The following PCDH15 variants were observed in gnomAD, a reference collection of about 807,000 sequenced individuals.
PCDH15 encodes the protein protocadherin-15.
Under a neutral mutation model 178.5 loss-of-function variants are expected in PCDH15, and 129 were observed. The ratio of observed to expected loss-of-function variants is 0.72; its 90% CI spans 0.63 to 0.84. The LOEUF is 0.84. Among genes scored for constraint, PCDH15 ranks in the 40% least tolerant of loss-of-function variants. PCDH15 has a pLI of 0.00. For missense variants in PCDH15, 2,230 were observed against 2,099.9 expected (o/e 1.06, Z -1.21); for synonymous variants, 800 against 732.0 (o/e 1.09, Z -1.50).
At chr10:54,208,253 A>G (rs894418378) in intron 10 of PCDH15, among the ~76,000 whole-genome samples, 13 of 152,052 alleles carry the variant, frequency 8.5e-5, no homozygotes, top group African/African-American at 2.9e-4. Context: ...TGTGTAAGAG[A>G]TATTTACTTT....
chr10:55,148,654 T>G (rs1838600450), intron 2 of PCDH15, among the ~76,000 whole-genome samples: 1 of 151,686 alleles, frequency 6.6e-6, no homozygotes, highest in Non-Finnish European at 1.5e-5. Context: ...ATATAAAGTT[T>G]CACTATGAAA....
At chr10:54,529,852 A>G (rs1230143687) in intron 2 of PCDH15, among the ~76,000 whole-genome samples, 5 of 152,078 alleles carry the variant, frequency 3.3e-5, no homozygotes, top group Admixed American at 2.0e-4. Context: ...GAAATGAATA[A>G]TTAGGCTTTG....
At chr10:54,553,654 C>T (rs1311775932) in intron 2 of PCDH15, among the ~76,000 whole-genome samples, 1 of 152,056 alleles carries the variant, frequency 6.6e-6, no homozygotes, top group Non-Finnish European at 1.5e-5. Flanking sequence ...GACTGGTATC[C>T]CTCACATAAA....
Position 54,982,880 on chromosome 10 carries a change from A to G in PCDH15, c.-79-85380T>C, listed in dbSNP as rs116913732. ...ACTACACATTGGCATTTATTATCAA[A>G]CCCAATCTTCACAAAACCCCTGGAG... On this transcript the variant is annotated intron_variant, in intron 2 of 5. Coordinates refer to the PCDH15 transcript ENST00000458638. Among the ~76,000 whole-genome samples the G allele has an allele frequency of 5.1e-3, 776 of 152,270 alleles. 1 individual carries two copies. The highest frequency in any genetic ancestry group is 9.1e-3 in the Non-Finnish European group (618 of 68,010).
intron 27 of PCDH15, among the ~76,000 whole-genome samples, chr10:53,863,480 G>A (rs773760183): frequency 1.1e-4 from 16 of 152,088 alleles, no homozygotes; most frequent in Admixed American, 2.0e-4. Context: ...TGGTAGCATC[G>A]ACAAGAATAG....
intron 2 of PCDH15, among the ~76,000 whole-genome samples, chr10:55,429,506 A>G (rs993782882): frequency 1.3e-5 from 2 of 152,120 alleles, no homozygotes; most frequent in Admixed American, 1.3e-4. Context: ...GCTGATGCTT[A>G]TAAGATTTTT....
intron 2 of PCDH15, among the ~76,000 whole-genome samples, chr10:55,495,128 A>T (rs982690515): frequency 2.6e-5 from 4 of 151,794 alleles, no homozygotes; most frequent in Non-Finnish European, 5.9e-5. Context: ...CTAAATATGT[A>T]TGAGTTAAAA....
intron 1 of PCDH15, among the ~76,000 whole-genome samples, chr10:54,765,432 C>A (rs1948390446): frequency 2.6e-5 from 4 of 151,940 alleles, no homozygotes; most frequent in Non-Finnish European, 5.9e-5. Flanking sequence ...AAGGAAAATT[C>A]AAAATGATGT....
chr10:54,392,118 C>T (rs1219052666), intron 3 of PCDH15, among the ~76,000 whole-genome samples: 1 of 152,022 alleles, frequency 6.6e-6, no homozygotes, highest in Non-Finnish European at 1.5e-5. Context: ...CAATCTCTCT[C>T]TTTCCACTAT....
At chr10:54,543,106 C>A (rs558819481) in intron 2 of PCDH15, among the ~76,000 whole-genome samples, 2 of 151,526 alleles carry the variant, frequency 1.3e-5, no homozygotes, top group Admixed American at 1.3e-4. Context: ...AGAGCCGTGG[C>A]CCCCCAAAAC....
chr10:54,505,409 C>T (rs536328917), intron 3 of PCDH15, among the ~76,000 whole-genome samples: 5 of 152,230 alleles, frequency 3.3e-5, no homozygotes, highest in African/African-American at 1.2e-4. Context: ...GAAATATTTA[C>T]ATATTATCTG....
intron 34 of PCDH15, among the ~76,000 whole-genome samples, chr10:53,817,406 T>A (rs1010816221): frequency 6.6e-6 from 1 of 152,032 alleles, no homozygotes; most frequent in Non-Finnish European, 1.5e-5. Flanking sequence ...ATTTTTAAAA[T>A]CTTTAGGATC....
chr10:54,074,060 G>A lies in PCDH15; in HGVS notation c.2091+5271C>T, dbSNP rs151247459. Among the ~76,000 whole-genome samples the A allele has an allele frequency of 1.1e-4, 17 of 152,272 alleles. No individual in the cohort carries two copies. In the East Asian group the frequency reaches 1.2e-3, roughly 10 times the overall value. On this transcript the variant is annotated intron_variant, in intron 17 of 37. Transcript: ENST00000644397. ...ACTTTGTCTGGTATAGAGAATTGAC[G>A]TCTAGAGTTGCAGAAGATGGGAATG...
chr10:55,398,618 T>C (rs1051153349), intron 2 of PCDH15, among the ~76,000 whole-genome samples: 9 of 152,200 alleles, frequency 5.9e-5, no homozygotes, highest in African/African-American at 1.9e-4. Context: ...TCAAAAGATA[T>C]AGACCCAGTC....
intron 15 of PCDH15, among the ~76,000 whole-genome samples, chr10:54,105,143 C>A (rs1321284452): frequency 6.6e-6 from 1 of 150,922 alleles, no homozygotes; most frequent in Non-Finnish European, 1.5e-5. Context: ...ACCCCAAAAC[C>A]AATGAAAGAA....
chr10:54,834,079 A>T lies in PCDH15; in HGVS notation c.-29+63371T>A, dbSNP rs188911716. On this transcript the variant is annotated intron_variant, in intron 3 of 5. Coordinates refer to the PCDH15 transcript ENST00000458638. ...CTGCTTAGTCTTAATTTCTTCATCT[A>T]TAAAATGGAGATGTTAATAATATCC... Among the ~76,000 whole-genome samples, 301 of 152,276 alleles carry T rather than the reference A, an allele frequency of 2.0e-3. 1 individual carries two copies. Among genetic ancestry groups the T allele is most frequent in the African/African-American group, 6.9e-3 (287 of 41,554 alleles).
At chr10:55,352,537 C>T (rs1474796893) in intron 2 of PCDH15, among the ~76,000 whole-genome samples, 1 of 152,060 alleles carries the variant, frequency 6.6e-6, no homozygotes, top group East Asian at 1.9e-4. Context: ...CTTACAACTA[C>T]AAGAGAAGTT....
intron 1 of PCDH15, among the ~76,000 whole-genome samples, chr10:55,198,224 A>G (rs1257684226): frequency 6.6e-6 from 1 of 152,120 alleles, no homozygotes; most frequent in Non-Finnish European, 1.5e-5. Context: ...CAGTTTAAGT[A>G]GTTCTACTGA....
At position 55,164,119 on chromosome 10, in the gene PCDH15, G is replaced by A. The variant is rs189488146; in HGVS notation, c.-80+2457C>T. Among the ~76,000 whole-genome samples, 909 of 152,150 alleles carry A rather than the reference G, an allele frequency of 6.0e-3. 11 individuals carry two copies. Among genetic ancestry groups the A allele is most frequent in the African/African-American group, 0.02 (832 of 41,522 alleles). ...ATGCAGTAGAGCCTACTATGGCTGC[G>A]GAGTCAGACCCAAGTTTGAGTCTCA... On this transcript the variant is annotated intron_variant, in intron 2 of 5. Coordinates refer to the PCDH15 transcript ENST00000458638.
Sources: gnomAD v4.1 joint callset for allele counts (sites outside exome capture counted in the v4.1 genomes callset) on GRCh38, gnomAD v4.1.1 for gene constraint, MANE v1.5 for transcripts, NCBI Gene and HGNC (gene_info 2026-07-23, HGNC 2026-07-21) for gene names.